The following RAPGEF5 variants were observed in gnomAD, a reference collection of about 807,000 sequenced individuals.
The protein encoded by RAPGEF5 is M-Ras-regulated GEF.
Under a neutral mutation model 125.2 loss-of-function variants are expected in RAPGEF5, and 65 were observed. The ratio of observed to expected loss-of-function variants is 0.52; its 90% CI spans 0.43 to 0.64. The LOEUF (loss-of-function observed/expected upper bound fraction) is 0.64. RAPGEF5 is among the 30% of genes least tolerant of loss of function. The pLI is 0.00. For missense variants in RAPGEF5, 958 were observed against 1,048.1 expected, an observed-to-expected ratio of 0.91 and a Z score of 1.19; for synonymous variants, 391 against 385.9, an observed-to-expected ratio of 1.01 and a Z score of -0.16.
intron 7 of RAPGEF5, among the ~76,000 whole-genome samples, chr7:22,251,921 G>A (rs962872672): frequency 6.6e-6 from 1 of 151,978 alleles, no homozygotes; most frequent in African/African-American, 2.4e-5. Context: ...GATCTCTGGT[G>A]TGTAAATGGT....
intron 5 of RAPGEF5, among the ~76,000 whole-genome samples, chr7:22,294,398 CT>C (rs1783004465): frequency 6.6e-6 from 1 of 152,166 alleles, no homozygotes; most frequent in African/African-American, 2.4e-5. Flanking sequence ...GGGGAGAGTG[CT>C]GAGTCCTGGT....
At chr7:22,212,593 A>G (rs1429723330) in intron 9 of RAPGEF5, among the ~76,000 whole-genome samples, 1 of 152,076 alleles carries the variant, frequency 6.6e-6, no homozygotes, top group East Asian at 1.9e-4. Flanking sequence ...TTATTTTTCC[A>G]AACCTTGGAA....
At chr7:22,200,085 A>T (rs1785243035) in intron 9 of RAPGEF5, among the ~76,000 whole-genome samples, 1 of 152,166 alleles carries the variant, frequency 6.6e-6, no homozygotes, top group Non-Finnish European at 1.5e-5. Flanking sequence ...GCAGTTAGGT[A>T]TCTCTTCCCA....
chr7:22,279,014 C>G (rs1782617011), intron 6 of RAPGEF5, among the ~76,000 whole-genome samples: 1 of 152,038 alleles, frequency 6.6e-6, no homozygotes, highest in African/African-American at 2.4e-5. Flanking sequence ...TAATTCCTTA[C>G]CCAGCTACAT....
intron 2 of RAPGEF5, 82 bp from the exon 3 acceptor site, chr7:22,315,558 T>C (rs977377970): frequency 1.7e-6 from 1 of 577,774 alleles, no homozygotes; most frequent in Non-Finnish European, 2.2e-6. Flanking sequence ...TATATATATA[T>C]ATATATATAT....
At chr7:22,232,321 T>C (rs2128134822) in intron 7 of RAPGEF5, among the ~76,000 whole-genome samples, 1 of 151,854 alleles carries the variant, frequency 6.6e-6, no homozygotes, top group South Asian at 2.1e-4. Context: ...GTGCTTTTTT[T>C]TTTTTTTTTT....
intron 7 of RAPGEF5, among the ~76,000 whole-genome samples, chr7:22,252,745 T>G (rs1486147129): frequency 6.6e-6 from 1 of 152,218 alleles, no homozygotes; most frequent in African/African-American, 2.4e-5. Context: ...TCATGGGACT[T>G]TTTTTAAAGG....
intron 1 of RAPGEF5, among the ~76,000 whole-genome samples, chr7:22,332,761 C>T (rs1325302203): frequency 6.6e-6 from 1 of 152,234 alleles, no homozygotes; most frequent in Non-Finnish European, 1.5e-5. Flanking sequence ...AAACACTTCT[C>T]ACAATCACAG....
At chr7:22,224,300 TA>T (rs1785860528) in intron 8 of RAPGEF5, among the ~76,000 whole-genome samples, 3 of 152,052 alleles carry the variant, frequency 2.0e-5, no homozygotes, top group African/African-American at 4.8e-5. Context: ...CTAAGAAGGG[TA>T]AAAAAGTTTC....
chr7:22,314,732 G>T, intron 3 of RAPGEF5: 1 of 597,882 alleles, frequency 1.7e-6, no homozygotes, highest in Non-Finnish European at 2.1e-6. Context: ...ATCTTTATCT[G>T]GCAAAACAAA....
intron 17 of RAPGEF5, among the ~76,000 whole-genome samples, chr7:22,152,867 G>A (rs1247892162): frequency 1.3e-5 from 2 of 152,300 alleles, no homozygotes; most frequent in East Asian, 3.9e-4. Context: ...GTAGAGGATG[G>A]AAAATAATGG....
At chr7:22,267,799 C>G (rs564701626) in intron 6 of RAPGEF5, among the ~76,000 whole-genome samples, 2 of 151,860 alleles carry the variant, frequency 1.3e-5, no homozygotes, top group East Asian at 3.8e-4. Context: ...AGCTCTCTCC[C>G]CTTCAGGACA....
chr7:22,230,592 T>C (rs1786032540), intron 8 of RAPGEF5, among the ~76,000 whole-genome samples: 1 of 152,220 alleles, frequency 6.6e-6, no homozygotes, highest in African/African-American at 2.4e-5. Context: ...CTTCACTCAT[T>C]TCCCTTGCTT....
chr7:22,339,058 AC>A (rs751047166), intron 1 of RAPGEF5, among the ~76,000 whole-genome samples: 4 of 152,202 alleles, frequency 2.6e-5, no homozygotes, highest in Admixed American at 6.5e-5. Flanking sequence ...AAGAGGCAAA[AC>A]GATGGAGTTT....
intron 11 of RAPGEF5, among the ~76,000 whole-genome samples, chr7:22,180,605 T>C (rs937287569): frequency 2.0e-5 from 3 of 152,198 alleles, no homozygotes; most frequent in Admixed American, 1.3e-4. Flanking sequence ...ATTTATACCA[T>C]GTTTAAATCA....
At chr7:22,229,396 C>T (rs1046621581) in intron 8 of RAPGEF5, among the ~76,000 whole-genome samples, 3 of 152,060 alleles carry the variant, frequency 2.0e-5, no homozygotes, top group African/African-American at 7.2e-5. Context: ...ATCATCTATG[C>T]GGAAGAAGGA....
chr7:22,353,613 G>C (rs1583600052), intron 1 of RAPGEF5, among the ~76,000 whole-genome samples: 1 of 152,130 alleles, frequency 6.6e-6, no homozygotes, highest in East Asian at 1.9e-4. Flanking sequence ...CATAATCTCT[G>C]TTATACAATT....
chr7:22,232,268 A>T (rs965634729), intron 7 of RAPGEF5, among the ~76,000 whole-genome samples: 4 of 151,516 alleles, frequency 2.6e-5, no homozygotes, highest in African/African-American at 9.7e-5. Context: ...GCTGACAGTG[A>T]GGTCACCCAC....
At chr7:22,210,449 T>C (rs1735193388) in intron 9 of RAPGEF5, among the ~76,000 whole-genome samples, 1 of 151,500 alleles carries the variant, frequency 6.6e-6, no homozygotes, top group Non-Finnish European at 1.5e-5. Flanking sequence ...AGGGCAAAAA[T>C]TTTACCTTGA....
Sources: gnomAD v4.1 joint callset for allele counts (sites outside exome capture counted in the v4.1 genomes callset) on GRCh38, gnomAD v4.1.1 for gene constraint, MANE v1.5 for transcripts, NCBI Gene and HGNC (gene_info 2026-07-23, HGNC 2026-07-21) for gene names.